Variants in L3MBTL3 observed in about 807,000 individuals in gnomAD.
L3MBTL3 encodes lethal(3)malignant brain tumor-like protein 3.
Under a neutral mutation model 102.3 loss-of-function variants are expected in L3MBTL3, and 27 were observed. The ratio of observed to expected loss-of-function variants is 0.26; its 90% CI spans 0.19 to 0.36. The LOEUF is 0.36. Ranked by LOEUF, L3MBTL3 falls within the 10% of genes least tolerant of loss-of-function variation. The pLI, the probability that L3MBTL3 is intolerant of heterozygous loss-of-function variation, is 1.00. For synonymous variants in L3MBTL3, 340 were observed against 320.9 expected, an observed-to-expected ratio of 1.06 and a Z score of -0.64; for missense variants, 798 against 955.3, an observed-to-expected ratio of 0.84 and a Z score of 2.17.
intron 16 of L3MBTL3, among the ~76,000 whole-genome samples, chr6:130,089,752 G>A (rs1026807901): frequency 3.4e-4 from 52 of 151,426 alleles, no homozygotes; most frequent in African/African-American, 1.2e-3. Context: ...TTTAATAATT[G>A]CCATTCTAGC....
At chr6:130,048,941 A>AACACACACAC (rs6149808) in intron 3 of L3MBTL3, among the ~76,000 whole-genome samples, 1,961 of 78,494 alleles carry the variant, frequency 0.025, 21 homozygotes, top group Non-Finnish European at 0.029. Flanking sequence ...TCTTAGTTAA[A>AACACACACAC]ACACACACAC....
chr6:130,027,332 AT>A (rs1779418762), intron 2 of L3MBTL3, among the ~76,000 whole-genome samples: 1 of 152,196 alleles, frequency 6.6e-6, no homozygotes, highest in African/African-American at 2.4e-5. Flanking sequence ...TATTACATAA[AT>A]TTTGTGGAAT....
intron 4 of L3MBTL3, 116 bp from the exon 5 acceptor site, chr6:130,049,640 C>A (rs1212299543): frequency 8.6e-7 from 1 of 1,156,246 alleles, no homozygotes; most frequent in Non-Finnish European, 1.3e-6. Flanking sequence ...TTAAGTAAAT[C>A]CATGTTGTAG....
chr6:130,036,347 G>A (rs1010998075), intron 2 of L3MBTL3, among the ~76,000 whole-genome samples: 1 of 152,164 alleles, frequency 6.6e-6, no homozygotes, highest in Non-Finnish European at 1.5e-5. Context: ...TTCAAAATTA[G>A]ATGATGGGAG....
At chr6:130,138,380 G>C (rs934819455) in intron 22 of L3MBTL3, 2 of 152,334 alleles carry the variant, frequency 1.3e-5, no homozygotes, top group Non-Finnish European at 2.9e-5. Context: ...TGTGAGGAAA[G>C]AATCTGTCCT....
At chr6:130,021,103 G>T (rs985293390) in intron 1 of L3MBTL3, among the ~76,000 whole-genome samples, 1 of 152,060 alleles carries the variant, frequency 6.6e-6, no homozygotes, top group African/African-American at 2.4e-5. Context: ...GGCTATCTCG[G>T]TCGCGTGGAT....
intron 12 of L3MBTL3, chr6:130,070,769 T>C (rs1409127078): frequency 3.1e-6 from 1 of 317,786 alleles, no homozygotes; most frequent in Non-Finnish European, 5.8e-6. Flanking sequence ...GCTAATTGGG[T>C]GTAACAGTAG....
At chr6:130,083,894 C>CA (rs1377087875) in intron 15 of L3MBTL3, among the ~76,000 whole-genome samples, 189 bp downstream of exon 15, 9 of 151,836 alleles carry the variant, frequency 5.9e-5, no homozygotes, top group Non-Finnish European at 1.3e-4. Context: ...TGTTGTCATC[C>CA]AAAAAAATGC....
chr6:130,056,812 G>C (rs1283344997), intron 8 of L3MBTL3, among the ~76,000 whole-genome samples: 1 of 151,782 alleles, frequency 6.6e-6, no homozygotes, highest in Non-Finnish European at 1.5e-5. Context: ...ACCTTAGCCT[G>C]TTCCAGTCTC....
chr6:130,031,395 A>G (rs894128776), intron 2 of L3MBTL3, among the ~76,000 whole-genome samples: 1 of 152,176 alleles, frequency 6.6e-6, no homozygotes, highest in African/African-American at 2.4e-5. Context: ...ATTCCATGGA[A>G]CTTGATGTGA....
At chr6:130,104,133 TGTTTCCA>T (rs1327209016) in intron 18 of L3MBTL3, among the ~76,000 whole-genome samples, 1 of 152,230 alleles carries the variant, frequency 6.6e-6, no homozygotes, top group Admixed American at 6.5e-5. Flanking sequence ...TGGGGCTGAT[TGTTTCCA>T]GAGATATGCA....
At chr6:130,103,171 T>C (rs1784800085) in intron 18 of L3MBTL3, among the ~76,000 whole-genome samples, 1 of 152,250 alleles carries the variant, frequency 6.6e-6, no homozygotes, top group Non-Finnish European at 1.5e-5. Flanking sequence ...CAGTGCTTGA[T>C]ATATCATAAG....
At chr6:130,103,863 T>C (rs911059890) in intron 18 of L3MBTL3, among the ~76,000 whole-genome samples, 8 of 152,234 alleles carry the variant, frequency 5.3e-5, no homozygotes, top group Admixed American at 2.6e-4. Flanking sequence ...TTTCATCTTA[T>C]GAACAAGATT....
At chr6:130,104,769 T>C (rs1784888520) in intron 19 of L3MBTL3, among the ~76,000 whole-genome samples, 194 bp downstream of exon 19, 1 of 151,850 alleles carries the variant, frequency 6.6e-6, no homozygotes, top group African/African-American at 2.4e-5. Context: ...GATAAAAGCA[T>C]GTCCAAATCA....
At chr6:130,103,296 T>C (rs1206599816) in intron 18 of L3MBTL3, among the ~76,000 whole-genome samples, 3 of 152,232 alleles carry the variant, frequency 2.0e-5, no homozygotes, top group South Asian at 2.1e-4. Flanking sequence ...TAGATACCAG[T>C]GTAGACTAGC....
At chr6:130,062,119 G>A (rs879256178) in intron 10 of L3MBTL3, among the ~76,000 whole-genome samples, 1 of 152,090 alleles carries the variant, frequency 6.6e-6, no homozygotes, top group Non-Finnish European at 1.5e-5. Flanking sequence ...TCAGCTTTTG[G>A]TTTTTGCAGA....
chr6:130,078,965 T>G (rs986071298), intron 14 of L3MBTL3, among the ~76,000 whole-genome samples: 1 of 152,128 alleles, frequency 6.6e-6, no homozygotes. Context: ...AAAAAAAAAG[T>G]TCTGTTTTAA....
chr6:130,137,449 G>A (rs1166368445), intron 22 of L3MBTL3, among the ~76,000 whole-genome samples: 7 of 152,182 alleles, frequency 4.6e-5, no homozygotes, highest in Non-Finnish European at 8.8e-5. Context: ...AGACTTGTTT[G>A]TATGGCCACA....
At chr6:130,076,424 A>C (rs1782952739) in intron 13 of L3MBTL3, among the ~76,000 whole-genome samples, 1 of 152,090 alleles carries the variant, frequency 6.6e-6, no homozygotes, top group Non-Finnish European at 1.5e-5. Context: ...GAGGATCTTC[A>C]TGTCTCCTAA....
Sources: gnomAD v4.1 joint callset for allele counts (sites outside exome capture counted in the v4.1 genomes callset) on GRCh38, gnomAD v4.1.1 for gene constraint, MANE v1.5 for transcripts, NCBI Gene and HGNC (gene_info 2026-07-23, HGNC 2026-07-21) for gene names.